LRP2: variants seen among roughly 807,000 people sequenced by gnomAD.
LRP2 encodes LDL receptor related protein 2.
Under a neutral mutation model 531.0 loss-of-function variants are expected in LRP2, and 172 were observed. The observed-to-expected ratio is 0.32, with a 90% confidence interval of 0.29 to 0.37. The LOEUF (loss-of-function observed/expected upper bound fraction) is 0.37, where lower values mean the gene tolerates loss of function less well. Among genes scored for constraint, LRP2 ranks in the 10% least tolerant of loss-of-function variants. LRP2 has a pLI of 1.00. For missense variants in LRP2, 5,167 were observed against 5,868.3 expected, an observed-to-expected ratio of 0.88 and a Z score of 3.90; for synonymous variants, 1,992 against 2,027.6, an observed-to-expected ratio of 0.98 and a Z score of 0.47.
chr2:169,303,580 G>A (rs547517867), intron 4 of LRP2, among the ~76,000 whole-genome samples: 7 of 152,236 alleles, frequency 4.6e-5, no homozygotes, highest in African/African-American at 1.2e-4. Flanking sequence ...GACTTTGATC[G>A]AGGCCATTCA....
At chr2:169,316,069 G>A (rs547808888) in intron 3 of LRP2, among the ~76,000 whole-genome samples, 1 of 151,562 alleles carries the variant, frequency 6.6e-6, no homozygotes, top group South Asian at 2.1e-4. Flanking sequence ...TTGAGCCCAG[G>A]AGGTCAAGGC....
intron 1 of LRP2, among the ~76,000 whole-genome samples, chr2:169,337,875 G>A (rs577035506): frequency 4.6e-5 from 7 of 152,332 alleles, no homozygotes; most frequent in African/African-American, 1.7e-4. Flanking sequence ...GGGAGGCTGA[G>A]GCAGGAGGAT....
chr2:169,336,233 A>G (rs1386441284), intron 1 of LRP2, among the ~76,000 whole-genome samples: 1 of 151,988 alleles, frequency 6.6e-6, no homozygotes, highest in East Asian at 1.9e-4. Flanking sequence ...CTAGACATCC[A>G]GCCCCTGCAA....
chr2:169,220,541 A>C lies in LRP2; in HGVS notation c.5561T>G (p.Ile1854Ser), dbSNP rs770632247. Residue 1854 changes from isoleucine (I) to serine (S), a missense_variant, in exon 34 of 79, where the codon ATC (isoleucine) becomes AGC (serine). Physicochemically the swap from Ile to Ser is moderately radical, Grantham distance 142 (BLOSUM62 -2). Around this residue, in one of 6 missense-constraint regions of LRP2, gnomAD observed 2,811 missense variants for 3,058.0 expected, o/e 0.92. Coordinates refer to ENST00000649046, the MANE Select transcript of LRP2 (RefSeq NM_004525.3). Reference sequence around the variant, plus strand: ...GGCAATCAATGTTTTTCTGTATCTGATATCTCCGTGGAGTGTCAAAACCTA... The same window carrying C: ...GGCAATCAATGTTTTTCTGTATCTGCTATCTCCGTGGAGTGTCAAAACCTA... ...SIEVLTLHGD[I>S]RYRKTLIAND... 6.2e-7 allele frequency: 1 copy of C among 1,612,974 alleles called. No homozygotes were observed. Among genetic ancestry groups the C allele is most frequent in the Non-Finnish European group, 8.5e-7 (1 of 1,179,230 alleles).
chr2:169,265,467 T>A (rs1379132860), intron 16 of LRP2, among the ~76,000 whole-genome samples: 2 of 151,686 alleles, frequency 1.3e-5, no homozygotes, highest in African/African-American at 4.8e-5. Context: ...TGAAAAGAAA[T>A]CAAAAGGAAA....
chr2:169,198,290 C>T (rs958574179), intron 45 of LRP2, among the ~76,000 whole-genome samples: 4 of 151,804 alleles, frequency 2.6e-5, no homozygotes, highest in Admixed American at 6.6e-5. Flanking sequence ...GTCACATGCA[C>T]GTAATCCCAG....
chr2:169,202,886 A>C lies in LRP2; in HGVS notation c.8079T>G (p.Ile2693Met), dbSNP rs1275229047. The change falls in exon 43 of 79, where the codon ATT (isoleucine) becomes ATG (methionine). Residue 2693 changes from isoleucine to methionine, a missense_variant. Coordinates refer to ENST00000649046, the MANE Select transcript of LRP2 (RefSeq NM_004525.3). ...WYLANNRKHC[I>M]VDNGERCGAS... ...CACCACATCGTTCACCATTGTCCAC[A>C]ATGCAGTGCTTCCTGTTGTTGGCCA... 2 of 1,614,200 alleles carry C rather than the reference A, an allele frequency of 1.2e-6. No homozygotes were observed. Among genetic ancestry groups the C allele is most frequent in the Non-Finnish European group, 8.5e-7 (1 of 1,180,034 alleles).
rs1167605284 is a variant in LRP2 at position 169,206,026 on chromosome 2, T to C, written c.7553A>G (p.Gln2518Arg). 2 of 1,614,122 alleles carry C rather than the reference T, an allele frequency of 1.2e-6. No individual in the cohort carries two copies. Among genetic ancestry groups the C allele is most frequent in the African/African-American group, 2.7e-5 (2 of 74,946 alleles). ...KPRAIVLDPC[Q>R]GYLYWADWDT... Reference sequence around the variant, plus strand: ...AACAAGGAAGATGATGGCATACCCTTGGCAGGGATCTAACACAATTGCTCT... The same window carrying C: ...AACAAGGAAGATGATGGCATACCCTCGGCAGGGATCTAACACAATTGCTCT... Residue 2518 changes from glutamine to arginine, a missense_variant, in exon 40 of 79, where the codon CAA becomes CGA. Coordinates refer to ENST00000649046, the MANE Select transcript of LRP2 (RefSeq NM_004525.3).
intron 1 of LRP2, among the ~76,000 whole-genome samples, chr2:169,340,049 C>A (rs374239837): frequency 6.6e-6 from 1 of 152,186 alleles, no homozygotes. Flanking sequence ...TTGGTGCATA[C>A]GATATATCTA....
intron 61 of LRP2, among the ~76,000 whole-genome samples, chr2:169,168,269 T>C (rs998736031): frequency 6.6e-6 from 1 of 151,730 alleles, no homozygotes; most frequent in Non-Finnish European, 1.5e-5. Context: ...TGCCTTTATT[T>C]ATGCATACTA....
At chr2:169,356,522 C>T (rs1225082076) in intron 1 of LRP2, among the ~76,000 whole-genome samples, 4 of 152,194 alleles carry the variant, frequency 2.6e-5, no homozygotes, top group African/African-American at 9.7e-5. Flanking sequence ...AGATATATGT[C>T]CATTTTACAG....
rs79666654 is a variant in LRP2 at position 169,260,227 on chromosome 2, G to A, written c.2321-1010C>T. On this transcript the variant is annotated intron_variant, in intron 16 of 78. Coordinates refer to ENST00000649046, the MANE Select transcript of LRP2 (RefSeq NM_004525.3). ...AGAGGAGGAGGCAACTAGGCCAAGAGACAAAAATAAAAGAGTAATGAGTGC... is the reference window on the plus strand; with the variant it reads ...AGAGGAGGAGGCAACTAGGCCAAGAAACAAAAATAAAAGAGTAATGAGTGC... 3.3e-3 allele frequency among the ~76,000 whole-genome samples: 508 copies of A among 152,226 alleles called. 1 individual carries two copies. The highest frequency in any genetic ancestry group is 0.012 in the African/African-American group (490 of 41,554).
At chr2:169,348,712 C>T (rs1263378833) in intron 1 of LRP2, among the ~76,000 whole-genome samples, 2 of 152,160 alleles carry the variant, frequency 1.3e-5, no homozygotes, top group African/African-American at 4.8e-5. Context: ...CAGGGGAATT[C>T]TCACAGGGTA....
rs375062760 is a variant in LRP2, at chr2:169,178,077, T to G, written c.10170-51A>C. ...TGTGATAAAGGTAATTCCTCTCCTC[T>G]AATGTCTTGCAGGATAAAAGAATTC... On this transcript the variant is annotated intron_variant, in intron 52 of 78. Coordinates refer to ENST00000649046, the MANE Select transcript of LRP2 (RefSeq NM_004525.3). 5.4e-6 allele frequency: 7 copies of G among 1,294,444 alleles called. No individual in the cohort carries two copies. In the East Asian group the frequency reaches 1.2e-4, roughly 22 times the overall value. 80.2% of individuals were successfully genotyped at this position (1,294,444 alleles called of 1,614,324 possible).
chr2:169,139,763 A>G, intron 72 of LRP2, 153 bp from the exon 73 acceptor site: 1 of 729,172 alleles, frequency 1.4e-6, no homozygotes, highest in South Asian at 1.5e-5. Flanking sequence ...TCATTCTGCC[A>G]AGAGAAGACA....
chr2:169,357,480 C>T (rs1000180529), intron 1 of LRP2, among the ~76,000 whole-genome samples: 9 of 151,864 alleles, frequency 5.9e-5, no homozygotes, highest in African/African-American at 1.7e-4. Context: ...TACAGGTGTG[C>T]GTCACCACGC....
chr2:169,169,916 A>T, intron 59 of LRP2, 98 bp from the exon 60 acceptor site: 1 of 829,258 alleles, frequency 1.2e-6, no homozygotes, highest in Non-Finnish European at 2.1e-6. Flanking sequence ...ATTCCTATCT[A>T]CACCCTGTGA....
chr2:169,241,696 TTATC>T (rs1559035872), intron 24 of LRP2, among the ~76,000 whole-genome samples: 1 of 152,202 alleles, frequency 6.6e-6, no homozygotes, highest in Non-Finnish European at 1.5e-5. Flanking sequence ...ATAATAAAGT[TTATC>T]TATCTTTCTA....
At position 169,269,075 on chromosome 2, in the gene LRP2, T is replaced by A. The variant is rs550571950; in HGVS notation, c.2320+1829A>T. On this transcript the variant is annotated intron_variant, in intron 16 of 78. Coordinates refer to ENST00000649046, the MANE Select transcript of LRP2 (RefSeq NM_004525.3). ...TGTGAAGGACCTCTTCAAGGAGAAC[T>A]ACAAACCACTGCTCAGCAAAATAAA... Among the ~76,000 whole-genome samples the A allele has an allele frequency of 7.2e-5, 11 of 152,198 alleles. No homozygotes were observed. The South Asian group carries it at 2.3e-3, about 32-fold the overall frequency.
Sources: gnomAD v4.1 joint callset for allele counts (sites outside exome capture counted in the v4.1 genomes callset) on GRCh38, gnomAD v4.1.1 for gene constraint, gnomAD v4.1.1 regional missense constraint, MANE v1.5 for transcripts, NCBI Gene and HGNC (gene_info 2026-07-23, HGNC 2026-07-21) for gene names.